Variants in RAB38 observed in about 807,000 individuals in gnomAD.
The protein encoded by RAB38 is ras-related protein Rab-38.
RAB38 carries 15 observed loss-of-function variants against 18.4 expected under a neutral mutation model. The ratio of observed to expected loss-of-function variants is 0.82; its 90% confidence interval spans 0.55 to 1.26. The LOEUF (loss-of-function observed/expected upper bound fraction) is 1.26, where lower values mean the gene tolerates loss of function less well. Among genes scored for constraint, RAB38 ranks in the 50% most tolerant of loss-of-function variants. The pLI, the probability that RAB38 is intolerant of heterozygous loss-of-function variation, is 0.00. For missense variants in RAB38, 294 were observed against 267.4 expected (o/e 1.10, Z -0.69); for synonymous variants, 101 against 104.4 (o/e 0.97, Z 0.20).
At chr11:87,923,486 T>C in the RAB38 span, among the ~76,000 whole-genome samples, 6,137 of 151,766 alleles carry the variant, frequency 0.04, 205 homozygotes, top group East Asian at 0.16. Flanking sequence ...CAAACAAACA[T>C]AATTAGTACT....
chr11:87,968,898 C>CAGT, the RAB38 span, among the ~76,000 whole-genome samples: 1 of 152,032 alleles, frequency 6.6e-6, no homozygotes. Context: ...AGATTCAGAA[C>CAGT]AGTAGGAGGA....
intron 1 of RAB38, among the ~76,000 whole-genome samples, chr11:88,156,530 C>T (rs55864140): frequency 0.24 from 35,883 of 151,832 alleles, 4,269 homozygotes; most frequent in Admixed American, 0.26. Context: ...AATGAAATCC[C>T]ATCTCTAATA....
At chr11:88,083,961 C>A in the RAB38 span, among the ~76,000 whole-genome samples, 23 of 152,050 alleles carry the variant, frequency 1.5e-4, no homozygotes, top group African/African-American at 5.5e-4. Context: ...ATCTTTTTCT[C>A]TCTCATTTAC....
the RAB38 span, among the ~76,000 whole-genome samples, chr11:88,103,185 T>G: frequency 6.6e-6 from 1 of 152,126 alleles, no homozygotes; most frequent in African/African-American, 2.4e-5. Flanking sequence ...TAGTGTTATT[T>G]TGAAGTAGAC....
At chr11:88,140,183 T>A (rs775436368) in intron 2 of RAB38, among the ~76,000 whole-genome samples, 1 of 152,186 alleles carries the variant, frequency 6.6e-6, no homozygotes, top group Non-Finnish European at 1.5e-5. Context: ...GCAGCTTCCC[T>A]CACCTTCATT....
chr11:88,012,635 A>C, the RAB38 span, among the ~76,000 whole-genome samples: 1 of 152,132 alleles, frequency 6.6e-6, no homozygotes, highest in African/African-American at 2.4e-5. Flanking sequence ...AGCTCTTAAC[A>C]CAGAAATTAC....
the RAB38 span, among the ~76,000 whole-genome samples, chr11:87,865,161 T>C: frequency 6.6e-6 from 1 of 151,476 alleles, no homozygotes; most frequent in Non-Finnish European, 1.5e-5. Context: ...AGAAATGGGG[T>C]ATAATGGACT....
chr11:87,937,869 T>TAG, the RAB38 span, among the ~76,000 whole-genome samples: 1 of 121,898 alleles, frequency 8.2e-6, no homozygotes, highest in African/African-American at 3.7e-5. Context: ...CTCATTGAAG[T>TAG]GTTTTTTTTT....
At chr11:87,809,322 C>A in the RAB38 span, among the ~76,000 whole-genome samples, 1 of 152,142 alleles carries the variant, frequency 6.6e-6, no homozygotes, top group Non-Finnish European at 1.5e-5. Flanking sequence ...ACTGATTTGT[C>A]CAGACTACAA....
At chr11:87,892,475 T>C in the RAB38 span, among the ~76,000 whole-genome samples, 616 of 151,954 alleles carry the variant, frequency 4.1e-3, 5 homozygotes, top group African/African-American at 0.013. Flanking sequence ...ATGATGCTAG[T>C]GTAATCTAGT....
the RAB38 span, among the ~76,000 whole-genome samples, chr11:87,817,949 G>T: frequency 6.6e-6 from 1 of 152,130 alleles, no homozygotes; most frequent in Non-Finnish European, 1.5e-5. Context: ...TGTGAGAAGT[G>T]ATACTAGAAA....
chr11:87,893,390 A>ATATATATATATT, the RAB38 span, among the ~76,000 whole-genome samples: 4 of 93,916 alleles, frequency 4.3e-5, no homozygotes, highest in African/African-American at 1.5e-4. Context: ...ATATATATAT[A>ATATATATATATT]TTTTTTTTTT....
the RAB38 span, among the ~76,000 whole-genome samples, chr11:87,911,478 A>T: frequency 6.6e-6 from 1 of 151,860 alleles, no homozygotes; most frequent in Non-Finnish European, 1.5e-5. Context: ...ATTTTATAAG[A>T]CTTGTACATC....
the RAB38 span, among the ~76,000 whole-genome samples, chr11:87,959,857 G>A: frequency 6.6e-5 from 10 of 152,248 alleles, no homozygotes; most frequent in Non-Finnish European, 1.5e-4. Context: ...TGAGTCCTTA[G>A]ATGACCTTGT....
At chr11:87,976,489 T>C in the RAB38 span, among the ~76,000 whole-genome samples, 8 of 107,380 alleles carry the variant, frequency 7.5e-5, no homozygotes, top group Admixed American at 1.3e-4. Flanking sequence ...TATATTTTTA[T>C]ATATTTATAT....
the RAB38 span, among the ~76,000 whole-genome samples, chr11:87,956,912 T>C: frequency 2.6e-5 from 4 of 152,030 alleles, no homozygotes; most frequent in East Asian, 7.8e-4. Flanking sequence ...TTTCACCCTG[T>C]TTTTTGTACA....
the RAB38 span, among the ~76,000 whole-genome samples, chr11:88,020,798 T>C: frequency 2.6e-5 from 4 of 152,090 alleles, no homozygotes; most frequent in African/African-American, 9.7e-5. Context: ...AGAGGACTTT[T>C]GGAAATGATA....
At chr11:88,084,900 C>T in the RAB38 span, among the ~76,000 whole-genome samples, 1 of 151,872 alleles carries the variant, frequency 6.6e-6, no homozygotes, top group Non-Finnish European at 1.5e-5. Flanking sequence ...CAACTCTTCA[C>T]AGTAGGCAGA....
Position 88,172,088 on chromosome 11 carries a change from C to G in RAB38, c.202+3095G>C, listed in dbSNP as rs538395560. Among the ~76,000 whole-genome samples the G allele has an allele frequency of 9.2e-5, 14 of 152,330 alleles. No individual in the cohort carries two copies. The South Asian group carries it at 2.9e-3, about 32-fold the overall frequency. On this transcript the variant is annotated intron_variant, in intron 1 of 2. Transcript: ENST00000243662. ...CAGCTGTGTGCCAGGCACTCACAGG[C>G]CAGCAAGTGCAAACAGCAAGGCTTG...
Sources: gnomAD v4.1 joint callset for allele counts (sites outside exome capture counted in the v4.1 genomes callset) on GRCh38, gnomAD v4.1.1 for gene constraint, MANE v1.5 for transcripts, NCBI Gene and HGNC (gene_info 2026-07-23, HGNC 2026-07-21) for gene names.